Variants in RASGEF1C observed in about 807,000 individuals in gnomAD.
RASGEF1C encodes the protein ras-GEF domain-containing family member 1C.
RASGEF1C carries 27 observed loss-of-function variants against 58.1 expected under a neutral mutation model. The ratio of observed to expected loss-of-function variants is 0.46; its 90% confidence interval spans 0.34 to 0.64. The LOEUF (loss-of-function observed/expected upper bound fraction) is 0.64, where lower values mean the gene tolerates loss of function less well. Ranked by LOEUF, RASGEF1C falls within the 30% of genes least tolerant of loss-of-function variation. RASGEF1C has a pLI of 0.01. For synonymous variants in RASGEF1C, 243 were observed against 246.3 expected (o/e 0.99, Z 0.13); for missense variants, 502 against 605.1 (o/e 0.83, Z 1.79).
At chr5:180,141,944 A>G (rs894954974) in intron 1 of RASGEF1C, among the ~76,000 whole-genome samples, 24 of 152,158 alleles carry the variant, frequency 1.6e-4, no homozygotes, top group African/African-American at 5.8e-4. Context: ...TCCTGACCTC[A>G]TATCACACTT....
intron 12 of RASGEF1C, among the ~76,000 whole-genome samples, chr5:180,108,282 A>ACCT (rs1346326124): frequency 6.6e-6 from 1 of 150,590 alleles, no homozygotes; most frequent in East Asian, 2.0e-4. Context: ...GCTCACTGTA[A>ACCT]CCTCCACCTC....
intron 4 of RASGEF1C, among the ~76,000 whole-genome samples, chr5:180,131,453 A>C (rs1304115428): frequency 1.3e-5 from 2 of 152,140 alleles, no homozygotes; most frequent in Non-Finnish European, 2.9e-5. Context: ...CCGAAGCTCA[A>C]GTGCTGTTTC....
intron 1 of RASGEF1C, among the ~76,000 whole-genome samples, chr5:180,199,011 A>T (rs1756332099): frequency 6.6e-6 from 1 of 152,070 alleles, no homozygotes; most frequent in Non-Finnish European, 1.5e-5. Context: ...ACCACAGCAC[A>T]TCCTGGCAAA....
At chr5:180,174,899 G>A (rs1015347962) in intron 1 of RASGEF1C, among the ~76,000 whole-genome samples, 1 of 152,222 alleles carries the variant, frequency 6.6e-6, no homozygotes, top group Non-Finnish European at 1.5e-5. Flanking sequence ...AGAACATGAG[G>A]TCACGAGACT....
chr5:180,121,687 A>C (rs1766180258), intron 6 of RASGEF1C, among the ~76,000 whole-genome samples: 1 of 144,298 alleles, frequency 6.9e-6, no homozygotes. Context: ...ACACACCCTC[A>C]TTATTCCTGG....
At position 180,103,138 on chromosome 5, in the gene RASGEF1C, C is replaced by G. The variant is rs561997842; in HGVS notation, c.1304-995G>C. The stretch of plus-strand genomic sequence containing the variant: ...TGTCGCCCAGGCTGGAGTGCAGTGG[C>G]GCGATCTCGGCTCACTGCAAGCTCT... On this transcript the variant is annotated intron_variant, in intron 12 of 13. Transcript: ENST00000361132. Among the ~76,000 whole-genome samples, 15 of 152,242 alleles carry G rather than the reference C, an allele frequency of 9.9e-5. No individual in the cohort carries two copies. The South Asian group carries it at 2.7e-3, about 27-fold the overall frequency.
intron 1 of RASGEF1C, among the ~76,000 whole-genome samples, chr5:180,178,224 C>T (rs1238766545): frequency 6.8e-6 from 1 of 148,034 alleles, no homozygotes; most frequent in Non-Finnish European, 1.5e-5. Context: ...CTGCTTGCCT[C>T]AGCCTCCCAA....
At chr5:180,125,144 C>A (rs1435185840) in intron 6 of RASGEF1C, among the ~76,000 whole-genome samples, 2 of 152,002 alleles carry the variant, frequency 1.3e-5, no homozygotes, top group African/African-American at 4.8e-5. Context: ...AAAATACCAA[C>A]AACAACAACA....
At chr5:180,204,159 T>C (rs987009589) in intron 1 of RASGEF1C, among the ~76,000 whole-genome samples, 2 of 152,226 alleles carry the variant, frequency 1.3e-5, no homozygotes, top group African/African-American at 4.8e-5. Context: ...TACGGATATA[T>C]ATCTTGTTTA....
chr5:180,166,105 T>C (rs1267788706), intron 1 of RASGEF1C, among the ~76,000 whole-genome samples: 1 of 152,076 alleles, frequency 6.6e-6, no homozygotes, highest in Admixed American at 6.6e-5. Flanking sequence ...GATTACAGCA[T>C]ATATATATAT....
At chr5:180,173,557 A>T (rs1011107021) in intron 1 of RASGEF1C, among the ~76,000 whole-genome samples, 9 of 152,258 alleles carry the variant, frequency 5.9e-5, no homozygotes, top group Non-Finnish European at 1.3e-4. Flanking sequence ...CAGAGAAATA[A>T]GAATTGAAAG....
rs981246647 is a variant in RASGEF1C at position 180,155,724 on chromosome 5, C to T, written c.-6-17666G>A. On this transcript the variant is annotated intron_variant, in intron 1 of 13. Coordinates refer to ENST00000361132, the MANE Select transcript of RASGEF1C (RefSeq NM_175062.4). This position sits in a 1 kb window ranked among gnomAD's most constrained non-coding sequence, Gnocchi z 5.2. ...CATCCTGTCCCTTACTCTTGGCCCA[C>T]GTTCTCAATTACGTCCTGAGAACAT... Among the ~76,000 whole-genome samples the T allele has an allele frequency of 2.6e-5, 4 of 152,124 alleles. No individual in the cohort carries two copies. The highest frequency in any genetic ancestry group is 9.7e-5 in the African/African-American group (4 of 41,442).
intron 1 of RASGEF1C, among the ~76,000 whole-genome samples, chr5:180,173,725 C>G (rs191248607): frequency 6.6e-6 from 1 of 151,958 alleles, no homozygotes; most frequent in South Asian, 2.1e-4. Context: ...CCAGCCTGGC[C>G]AACATGGTGA....
At chr5:180,128,267 A>G (rs935809335) in intron 5 of RASGEF1C, 143 bp downstream of exon 5, 14 of 799,502 alleles carry the variant, frequency 1.8e-5, no homozygotes, top group Non-Finnish European at 2.9e-5. Context: ...CTGCATCCAC[A>G]AGGGGCCCAG....
intron 1 of RASGEF1C, among the ~76,000 whole-genome samples, chr5:180,163,231 C>CTTTTTTGTTTTTTTTTTTTTT: frequency 5.1e-5 from 1 of 19,458 alleles, no homozygotes; most frequent in African/African-American, 1.3e-4. Context: ...CACCCCCTCA[C>CTTTTTTGTTTTTTTTTTTTTT]TTTTTTTTTT....
rs1449882045 is a variant in RASGEF1C at position 180,198,062 on chromosome 5, CT to C, written c.-7+10965del. On this transcript the variant is annotated intron_variant, in intron 1 of 13. Coordinates refer to ENST00000361132, the MANE Select transcript of RASGEF1C (RefSeq NM_175062.4). This position sits in a 1 kb window ranked among gnomAD's most constrained non-coding sequence, Gnocchi z 4.5. ...AAGGTGACCCCTCACATTCATGAGC[CT>C]TTCACAGATGAGTCTGTAGGACGCT... Among the ~76,000 whole-genome samples, 1 of 152,242 alleles carries C rather than the reference CT, an allele frequency of 6.6e-6. No homozygotes were observed. Among genetic ancestry groups the C allele is most frequent in the Non-Finnish European group, 1.5e-5 (1 of 68,046 alleles).
At chr5:180,144,292 C>T (rs1052897543) in intron 1 of RASGEF1C, among the ~76,000 whole-genome samples, 2 of 152,182 alleles carry the variant, frequency 1.3e-5, no homozygotes, top group Non-Finnish European at 2.9e-5. Flanking sequence ...GCAGCTGAAA[C>T]CACGTCCCAA....
chr5:180,143,196 G>A lies in RASGEF1C; in HGVS notation c.-6-5138C>T, dbSNP rs1766609721. 1.3e-5 allele frequency among the ~76,000 whole-genome samples: 2 copies of A among 152,134 alleles called. No individual in the cohort carries two copies. The highest frequency in any genetic ancestry group is 2.9e-5 in the Non-Finnish European group (2 of 68,004). On this transcript the variant is annotated intron_variant, in intron 1 of 13. Transcript: ENST00000361132. This position sits in a 1 kb window ranked among gnomAD's most constrained non-coding sequence, Gnocchi z 4.3. ...GGATCCCACGTGCCACCCTGCAGGGGGGCACTCTGATGCCTGCCAGCACCC... is the reference window on the plus strand; with the variant it reads ...GGATCCCACGTGCCACCCTGCAGGGAGGCACTCTGATGCCTGCCAGCACCC...
intron 10 of RASGEF1C, among the ~76,000 whole-genome samples, chr5:180,116,962 T>G (rs979947350): frequency 1.3e-5 from 2 of 152,174 alleles, no homozygotes; most frequent in Non-Finnish European, 2.9e-5. Context: ...CGAGACTCAG[T>G]CTGCTGATCT....
Sources: gnomAD v4.1 joint callset for allele counts (sites outside exome capture counted in the v4.1 genomes callset) on GRCh38, gnomAD v4.1.1 for gene constraint, Gnocchi (gnomAD v3.1) non-coding constraint, MANE v1.5 for transcripts, NCBI Gene and HGNC (gene_info 2026-07-23, HGNC 2026-07-21) for gene names.